Variants in CACNA1C observed in about 807,000 individuals in gnomAD.
The protein encoded by CACNA1C is voltage-dependent L-type calcium channel subunit alpha-1C.
CACNA1C carries 30 observed loss-of-function variants against 229.0 expected under a neutral mutation model. The observed-to-expected ratio is 0.13, with a 90% CI of 0.10 to 0.18. CACNA1C has a LOEUF of 0.18. Ranked by LOEUF, CACNA1C falls within the 10% of genes least tolerant of loss-of-function variation. CACNA1C has a pLI of 1.00. For missense variants in CACNA1C, 1,658 were observed against 2,845.0 expected (o/e 0.58, Z 9.49); for synonymous variants, 1,114 against 1,132.5 (o/e 0.98, Z 0.33).
intron 18 of CACNA1C, among the ~76,000 whole-genome samples, chr12:2,590,683 G>A (rs550550516): frequency 2.0e-5 from 3 of 152,090 alleles, no homozygotes; most frequent in Non-Finnish European, 4.4e-5. Flanking sequence ...CTTCATAAAC[G>A]GGGGGGAGCT....
In CACNA1C at chr12:2,679,501, G is replaced by A. The variant is rs200865354; in HGVS notation, c.5149G>A (p.Ala1717Thr). 83 of 1,608,576 alleles carry A rather than the reference G, an allele frequency of 5.2e-5. No homozygotes were observed. In the African/African-American group the frequency reaches 8.5e-4, roughly 17 times the overall value. ...CTACTACCAAAGCGACGGCCGGAGC[G>A]CCTTCCCCCAGACCTTCACCACTCA... The part of the protein sequence containing the change: ...VSYYQSDGRS[A>T]FPQTFTTQRP... Residue 1717 changes from alanine to threonine, a missense_variant, in exon 42 of 47, where the codon GCC becomes ACC. Coordinates refer to ENST00000399655, the MANE Select transcript of CACNA1C (RefSeq NM_000719.7). This position sits in a 1 kb window ranked among gnomAD's most constrained non-coding sequence, Gnocchi z 5.5.
At chr12:2,116,514 C>T (rs530035360) in intron 2 of CACNA1C, among the ~76,000 whole-genome samples, 16 of 152,104 alleles carry the variant, frequency 1.1e-4, no homozygotes, top group Admixed American at 4.6e-4. Flanking sequence ...CACAGGTGCC[C>T]GCCACCACGC....
intron 9 of CACNA1C, among the ~76,000 whole-genome samples, chr12:2,530,239 C>T (rs535971211): frequency 6.6e-6 from 1 of 152,306 alleles, no homozygotes; most frequent in South Asian, 2.1e-4. Flanking sequence ...ATTTTCCATG[C>T]CTTAATCTGG....
At chr12:2,625,791 A>C (rs926085301) in intron 29 of CACNA1C, among the ~76,000 whole-genome samples, 1 of 152,088 alleles carries the variant, frequency 6.6e-6, no homozygotes, top group African/African-American at 2.4e-5. Context: ...AAAAAAAAAA[A>C]AAAATTCTAT....
chr12:2,252,378 C>T (rs1046540011), intron 3 of CACNA1C, among the ~76,000 whole-genome samples: 1 of 152,180 alleles, frequency 6.6e-6, no homozygotes, highest in African/African-American at 2.4e-5. Context: ...TTCTTCACAT[C>T]AGCAGCTCTG....
chr12:2,665,741 A>G lies in CACNA1C; in HGVS notation c.4526+33A>G, dbSNP rs747331128. The stretch of plus-strand genomic sequence containing the variant: ...CCCAGAGGGAAATCCTGATTCCCCA[A>G]GCTGAGAGAGGGTATAGCTGACCAT... On this transcript the variant is annotated intron_variant, in intron 36 of 46. Coordinates refer to ENST00000399655, the MANE Select transcript of CACNA1C (RefSeq NM_000719.7). The surrounding 1 kb of genome is among the most constrained non-coding windows in gnomAD (Gnocchi z 5.9). The G allele has an allele frequency of 6.2e-7, 1 of 1,601,830 alleles. No individual in the cohort carries two copies.
Position 2,398,773 on chromosome 12 carries a change from A to G in CACNA1C, c.478-50203A>G, listed in dbSNP as rs1279742274. The stretch of plus-strand genomic sequence containing the variant: ...AAGACAGTTCCTGGTGAGACAGCCC[A>G]AAGGAGGCAGCAGGCTAGAAACTTG... On this transcript the variant is annotated intron_variant, in intron 3 of 46. Transcript: ENST00000399655. Among the ~76,000 whole-genome samples the G allele has an allele frequency of 3.9e-5, 6 of 152,218 alleles. No homozygotes were observed. The South Asian group carries it at 6.2e-4, about 16-fold the overall frequency.
At chr12:2,276,292 G>C (rs1036196360) in intron 3 of CACNA1C, among the ~76,000 whole-genome samples, 1 of 152,192 alleles carries the variant, frequency 6.6e-6, no homozygotes, top group African/African-American at 2.4e-5. Context: ...TTCAGGATTG[G>C]AGCAGACAGC....
chr12:2,336,301 C>G (rs538414459), intron 3 of CACNA1C, among the ~76,000 whole-genome samples: 26 of 152,196 alleles, frequency 1.7e-4, no homozygotes, highest in Non-Finnish European at 2.8e-4. Flanking sequence ...GAATTAGAGA[C>G]GGCTTTATTA....
intron 1 of CACNA1C, among the ~76,000 whole-genome samples, chr12:2,017,946 T>C (rs1348173110): frequency 6.6e-6 from 1 of 152,230 alleles, no homozygotes; most frequent in Non-Finnish European, 1.5e-5. Flanking sequence ...AACACAATAC[T>C]ATTGTGTCTA....
chr12:2,418,119 T>C (rs2098934343), intron 3 of CACNA1C, among the ~76,000 whole-genome samples: 1 of 152,138 alleles, frequency 6.6e-6, no homozygotes, highest in South Asian at 2.1e-4. Context: ...ACCTTCTGCC[T>C]CAGCTCGCTC....
chr12:2,586,757 G>A (rs1361005918), intron 18 of CACNA1C, among the ~76,000 whole-genome samples: 1 of 152,176 alleles, frequency 6.6e-6, no homozygotes, highest in Non-Finnish European at 1.5e-5. Context: ...CTGGTTCTCT[G>A]CTTAGAACAC....
chr12:2,068,085 G>A (rs1377191793), intron 1 of CACNA1C, among the ~76,000 whole-genome samples: 2 of 152,164 alleles, frequency 1.3e-5, no homozygotes, highest in Non-Finnish European at 2.9e-5. Flanking sequence ...GCCTCTGGTT[G>A]GATCCCACTT....
chr12:2,236,474 A>G (rs1007758456), intron 3 of CACNA1C, among the ~76,000 whole-genome samples: 1 of 152,224 alleles, frequency 6.6e-6, no homozygotes, highest in African/African-American at 2.4e-5. Flanking sequence ...AGCAGTTAGT[A>G]ATCAATTTTT....
chr12:2,464,018 A>C (rs1040515051), intron 5 of CACNA1C, among the ~76,000 whole-genome samples: 4 of 152,140 alleles, frequency 2.6e-5, no homozygotes, highest in African/African-American at 9.7e-5. Flanking sequence ...TGAAGCAGTA[A>C]GCAAGGGGTC....
At chr12:2,422,717 T>G (rs1445314111) in intron 3 of CACNA1C, among the ~76,000 whole-genome samples, 3 of 152,184 alleles carry the variant, frequency 2.0e-5, no homozygotes, top group African/African-American at 7.2e-5. Context: ...GGGCACCACC[T>G]TATGTGTCAG....
Position 2,488,865 on chromosome 12 carries a change from C to T in CACNA1C, c.916+2603C>T, listed in dbSNP as rs751577216. On this transcript the variant is annotated intron_variant, in intron 6 of 46. Transcript: ENST00000399655. The surrounding 1 kb of genome is among the most constrained non-coding windows in gnomAD (Gnocchi z 4.0). ...GCTGTCCCTTCGTTCCCAAACCTGCCGTCTGATCACAAGCCAGGACCCACT... is the reference window on the plus strand; with the variant it reads ...GCTGTCCCTTCGTTCCCAAACCTGCTGTCTGATCACAAGCCAGGACCCACT... Among the ~76,000 whole-genome samples the T allele has an allele frequency of 5.6e-4, 86 of 152,322 alleles. No homozygotes were observed. The highest frequency in any genetic ancestry group is 1.4e-3 in the African/African-American group (58 of 41,566).
chr12:2,686,088 C>T (rs746741533), intron 44 of CACNA1C, 78 bp from the exon 45 acceptor site: 45 of 1,183,888 alleles, frequency 3.8e-5, no homozygotes, highest in Non-Finnish European at 5.7e-5. Flanking sequence ...GCTCCTGGCA[C>T]CCCACCAGGG....
chr12:2,249,942 G>A (rs2074970556), intron 3 of CACNA1C, among the ~76,000 whole-genome samples: 1 of 152,144 alleles, frequency 6.6e-6, no homozygotes, highest in Non-Finnish European at 1.5e-5. Context: ...TCGAGTAGCT[G>A]AGACTACAGG....
Sources: allele counts gnomAD v4.1 joint callset (sites outside exome capture counted in the v4.1 genomes callset), GRCh38; gene constraint gnomAD v4.1.1; non-coding constraint Gnocchi (gnomAD v3.1); transcripts MANE v1.5; gene names NCBI Gene and HGNC (gene_info 2026-07-23, HGNC 2026-07-21).